The following PPM1E variants were observed in gnomAD, a reference collection of about 807,000 sequenced individuals.
PPM1E encodes the protein protein phosphatase 1E.
Under a neutral mutation model 65.9 loss-of-function variants are expected in PPM1E, and 20 were observed. The ratio of observed to expected loss-of-function variants is 0.30; its 90% CI spans 0.21 to 0.44. The LOEUF (loss-of-function observed/expected upper bound fraction) is 0.44, where lower values mean the gene tolerates loss of function less well. Ranked by LOEUF, PPM1E falls within the 20% of genes least tolerant of loss-of-function variation. The pLI, the probability that PPM1E is intolerant of heterozygous loss-of-function variation, is 1.00. For missense variants in PPM1E, 713 were observed against 953.1 expected, an observed-to-expected ratio of 0.75 and a Z score of 3.32; for synonymous variants, 352 against 374.9, an observed-to-expected ratio of 0.94 and a Z score of 0.70.
At position 58,755,922 on chromosome 17, in the gene PPM1E, G is replaced by A. The variant is rs751785045; in HGVS notation, c.-76G>A. On this transcript the variant is annotated 5_prime_UTR_variant, in exon 1 of 7. Transcript: ENST00000308249. ...GTTAACCGCCCTTGCCGGAGCCCTAGGCTCAAAAGCAGCCCCTTACCCTTC... is the reference window on the plus strand; with the variant it reads ...GTTAACCGCCCTTGCCGGAGCCCTAAGCTCAAAAGCAGCCCCTTACCCTTC... The A allele has an allele frequency of 2.6e-5, 41 of 1,587,742 alleles. No homozygotes were observed. The highest frequency in any genetic ancestry group is 3.2e-5 in the Non-Finnish European group (37 of 1,166,780).
At chr17:58,775,846 A>G (rs1025531476) in intron 1 of PPM1E, among the ~76,000 whole-genome samples, 11 of 139,776 alleles carry the variant, frequency 7.9e-5, no homozygotes, top group African/African-American at 5.2e-5. Flanking sequence ...CCCGGGAAGC[A>G]GAGCTTGCAG....
At chr17:58,857,056 T>C (rs2050890539) in intron 1 of PPM1E, among the ~76,000 whole-genome samples, 1 of 152,212 alleles carries the variant, frequency 6.6e-6, no homozygotes, top group East Asian at 1.9e-4. Flanking sequence ...CCATTTGCTT[T>C]ATACTTCGTC....
chr17:58,806,878 T>G (rs563778800), intron 1 of PPM1E, among the ~76,000 whole-genome samples: 1 of 151,514 alleles, frequency 6.6e-6, no homozygotes, highest in East Asian at 1.9e-4. Flanking sequence ...TTTTTTTTTT[T>G]GTATTTTTAG....
intron 1 of PPM1E, among the ~76,000 whole-genome samples, chr17:58,894,730 C>A (rs1256958770): frequency 2.6e-5 from 4 of 151,898 alleles, no homozygotes; most frequent in Non-Finnish European, 5.9e-5. Flanking sequence ...TATATTAAAC[C>A]ATTATAATTG....
chr17:58,888,879 G>A (rs544411229), intron 1 of PPM1E, among the ~76,000 whole-genome samples: 9 of 152,236 alleles, frequency 5.9e-5, no homozygotes, highest in African/African-American at 1.9e-4. Context: ...GCAAGAGATA[G>A]AAAAAGTGTC....
chr17:58,937,263 CTTT>C (rs561439071), intron 1 of PPM1E, among the ~76,000 whole-genome samples: 4 of 133,910 alleles, frequency 3.0e-5, no homozygotes, highest in Non-Finnish European at 4.9e-5. Flanking sequence ...AGGCCTGTCT[CTTT>C]TTTTTTTTTT....
intron 1 of PPM1E, among the ~76,000 whole-genome samples, chr17:58,801,985 T>C (rs1598580037): frequency 1.3e-5 from 2 of 152,214 alleles, no homozygotes; most frequent in Admixed American, 1.3e-4. Context: ...CCTGAACTCC[T>C]GATCTCAAGT....
chr17:58,927,786 C>T (rs1050311405), intron 1 of PPM1E, among the ~76,000 whole-genome samples: 9 of 151,432 alleles, frequency 5.9e-5, no homozygotes, highest in African/African-American at 2.2e-4. Flanking sequence ...CGGCCGGGCC[C>T]GGTGGCTCAT....
chr17:58,792,274 C>T (rs1313435557), intron 1 of PPM1E, among the ~76,000 whole-genome samples: 2 of 147,916 alleles, frequency 1.4e-5, no homozygotes, highest in Non-Finnish European at 3.0e-5. Flanking sequence ...ATAATTATTA[C>T]TATATGATAT....
chr17:58,886,933 T>C (rs1200119093), intron 1 of PPM1E, among the ~76,000 whole-genome samples: 2 of 152,156 alleles, frequency 1.3e-5, no homozygotes, highest in African/African-American at 4.8e-5. Flanking sequence ...TCTGTACTTC[T>C]TCAGTTTTGC....
intron 1 of PPM1E, among the ~76,000 whole-genome samples, chr17:58,901,789 C>T (rs1488918317): frequency 6.6e-6 from 1 of 152,014 alleles, no homozygotes; most frequent in African/African-American, 2.4e-5. Flanking sequence ...CCAGCCTGAC[C>T]AACATAGAGA....
intron 1 of PPM1E, among the ~76,000 whole-genome samples, chr17:58,872,774 T>C (rs998451103): frequency 1.6e-4 from 25 of 152,162 alleles, no homozygotes; most frequent in Non-Finnish European, 8.8e-5. Context: ...GTGGGGAAGT[T>C]GAGTTTCCAT....
chr17:58,767,449 T>C (rs146289527), intron 1 of PPM1E, among the ~76,000 whole-genome samples: 1 of 152,274 alleles, frequency 6.6e-6, no homozygotes, highest in East Asian at 1.9e-4. Flanking sequence ...CGGGGAAAAA[T>C]TTCAATGCAA....
At chr17:58,960,457 G>C (rs936387230) in intron 2 of PPM1E, among the ~76,000 whole-genome samples, 1 of 152,138 alleles carries the variant, frequency 6.6e-6, no homozygotes, top group South Asian at 2.1e-4. Context: ...AAAAAGCAAT[G>C]TTTGCTAGTT....
chr17:58,880,607 A>AGTTT (rs71367640), intron 1 of PPM1E, among the ~76,000 whole-genome samples: 55,216 of 150,786 alleles, frequency 0.37, 10,284 homozygotes, highest in Middle Eastern at 0.5. Context: ...GTTGTGAAAG[A>AGTTT]GTTTGTTTGT....
intron 1 of PPM1E, among the ~76,000 whole-genome samples, chr17:58,933,778 G>A (rs1413924719): frequency 2.1e-5 from 3 of 142,850 alleles, no homozygotes; most frequent in Non-Finnish European, 3.0e-5. Flanking sequence ...CCTGGAAGAC[G>A]AGTGAAACCC....
chr17:58,979,924 T>C (rs754022954), intron 6 of PPM1E, 50 bp from the exon 7 acceptor site: 1 of 1,460,946 alleles, frequency 6.8e-7, no homozygotes, highest in South Asian at 1.3e-5. Context: ...GTTCTTAGCA[T>C]GCAAGGTAAA....
At chr17:58,792,897 G>C (rs1254439388) in intron 1 of PPM1E, among the ~76,000 whole-genome samples, 1 of 150,858 alleles carries the variant, frequency 6.6e-6, no homozygotes, top group African/African-American at 2.4e-5. Flanking sequence ...GGGATTATAG[G>C]CACCCGCCAC....
intron 1 of PPM1E, among the ~76,000 whole-genome samples, chr17:58,944,015 T>C (rs1276183901): frequency 6.6e-6 from 1 of 152,178 alleles, no homozygotes; most frequent in Non-Finnish European, 1.5e-5. Context: ...TTTCTTCTTT[T>C]TCCAACTAAG....
Sources: allele counts gnomAD v4.1 joint callset (sites outside exome capture counted in the v4.1 genomes callset), GRCh38; gene constraint gnomAD v4.1.1; transcripts MANE v1.5; gene names NCBI Gene and HGNC (gene_info 2026-07-23, HGNC 2026-07-21).